NRXN1: variants seen among roughly 807,000 people sequenced by gnomAD.
The protein encoded by NRXN1 is neurexin 1.
Under a neutral mutation model 150.9 loss-of-function variants are expected in NRXN1, and 39 were observed. That is an observed-to-expected ratio of 0.26 (90% CI 0.20 to 0.34). The LOEUF (loss-of-function observed/expected upper bound fraction) is 0.34, where lower values mean the gene tolerates loss of function less well. Ranked by LOEUF, NRXN1 falls within the 10% of genes least tolerant of loss-of-function variation. The pLI, the probability that NRXN1 is intolerant of heterozygous loss-of-function variation, is 1.00. For missense variants in NRXN1, 1,815 were observed against 1,949.9 expected, an observed-to-expected ratio of 0.93 and a Z score of 1.30; for synonymous variants, 924 against 757.0, an observed-to-expected ratio of 1.22 and a Z score of -3.62.
chr2:50,091,258 AC>A, intron 19 of NRXN1, 64 bp downstream of exon 19: 1 of 1,579,446 alleles, frequency 6.3e-7, no homozygotes, highest in Non-Finnish European at 8.7e-7. Flanking sequence ...CGGATGCAAA[AC>A]AGTGCTTTTT....
chr2:50,686,061 T>C (rs1018174150), intron 5 of NRXN1, among the ~76,000 whole-genome samples: 4 of 152,188 alleles, frequency 2.6e-5, no homozygotes, highest in Non-Finnish European at 5.9e-5. Context: ...CTGCTGTCTA[T>C]GGTGCCACAA....
At chr2:50,886,428 T>G (rs2103766110) in intron 5 of NRXN1, among the ~76,000 whole-genome samples, 1 of 151,528 alleles carries the variant, frequency 6.6e-6, no homozygotes, top group African/African-American at 2.4e-5. Flanking sequence ...ATATTGTGGT[T>G]TCTATTCAAA....
At chr2:50,566,807 G>C (rs1385100352) in intron 8 of NRXN1, among the ~76,000 whole-genome samples, 2 of 152,080 alleles carry the variant, frequency 1.3e-5, no homozygotes, top group African/African-American at 2.4e-5. Context: ...TCTAGTGCAT[G>C]CTCCCCACCC....
intron 8 of NRXN1, among the ~76,000 whole-genome samples, chr2:50,560,051 C>T (rs1053089292): frequency 6.6e-5 from 10 of 152,108 alleles, no homozygotes; most frequent in African/African-American, 2.2e-4. Flanking sequence ...CATGAGGAGA[C>T]AATCTGAAAA....
chr2:50,425,526 G>A (rs1044590831), intron 17 of NRXN1, among the ~76,000 whole-genome samples: 2 of 152,106 alleles, frequency 1.3e-5, no homozygotes, highest in East Asian at 1.9e-4. Context: ...AGGCAGAGAT[G>A]GAAGAGGTGG....
chr2:50,576,962 T>G (rs1166425056), intron 8 of NRXN1, among the ~76,000 whole-genome samples: 1 of 152,110 alleles, frequency 6.6e-6, no homozygotes, highest in African/African-American at 2.4e-5. Flanking sequence ...TTGCTAATCT[T>G]TTCTGACATT....
intron 17 of NRXN1, among the ~76,000 whole-genome samples, chr2:50,250,944 T>TATGGCATATGTAATAAATTTATTACAC (rs2066983021): frequency 6.7e-6 from 1 of 149,764 alleles, no homozygotes; most frequent in Non-Finnish European, 1.5e-5. Context: ...ATTTATTACA[T>TATGGCATATGTAATAAATTTATTACAC]ATGGCATATG....
At chr2:50,437,452 A>G (rs2085540925) in intron 17 of NRXN1, among the ~76,000 whole-genome samples, 1 of 152,232 alleles carries the variant, frequency 6.6e-6, no homozygotes. Flanking sequence ...ATTTTCACCT[A>G]AAGCCGTATC....
chr2:50,030,681 T>C (rs953019804), intron 21 of NRXN1, among the ~76,000 whole-genome samples: 1 of 152,164 alleles, frequency 6.6e-6, no homozygotes, highest in Non-Finnish European at 1.5e-5. Context: ...GAAACATTCA[T>C]AGAGAATATA....
intron 21 of NRXN1, among the ~76,000 whole-genome samples, chr2:49,946,481 C>T (rs1246371980): frequency 6.6e-6 from 1 of 152,028 alleles, no homozygotes; most frequent in African/African-American, 2.4e-5. Flanking sequence ...AATGGTATTG[C>T]CTAGGTTTTC....
At chr2:50,051,275 T>A (rs948359790) in intron 21 of NRXN1, among the ~76,000 whole-genome samples, 1 of 152,048 alleles carries the variant, frequency 6.6e-6, no homozygotes, top group African/African-American at 2.4e-5. Context: ...TGTTACTAAT[T>A]GACAAAATAC....
rs10186205 is a variant in NRXN1 at position 50,275,225 on chromosome 2, T to C, written c.3365-38255A>G. On this transcript the variant is annotated intron_variant, in intron 17 of 22. Transcript: ENST00000401669. ...GCTTGAATGGGAAATAAATGAACAG[T>C]CACAGAATAAACCAAGTCTACTTGC... is the stretch of plus-strand genomic sequence containing the variant. Among the ~76,000 whole-genome samples the C allele has an allele frequency of 4.7e-3, 718 of 152,164 alleles. 10 individuals carry two copies. Among genetic ancestry groups the C allele is most frequent in the African/African-American group, 0.016 (665 of 41,522 alleles).
intron 17 of NRXN1, among the ~76,000 whole-genome samples, chr2:50,425,669 T>C (rs1004189919): frequency 1.3e-5 from 2 of 152,194 alleles, no homozygotes; most frequent in Admixed American, 6.5e-5. Context: ...TTCATTTTCC[T>C]TTGTTAAATG....
chr2:50,372,561 C>G (rs1035003562), intron 17 of NRXN1, among the ~76,000 whole-genome samples: 3 of 151,950 alleles, frequency 2.0e-5, no homozygotes, highest in Admixed American at 6.6e-5. Flanking sequence ...GAGTCAGAAA[C>G]AAAGAACAAA....
intron 21 of NRXN1, among the ~76,000 whole-genome samples, chr2:49,998,903 G>C (rs1320659004): frequency 9.9e-5 from 15 of 152,052 alleles, no homozygotes; most frequent in Non-Finnish European, 1.5e-5. Flanking sequence ...TGTCGTTGTA[G>C]TCAGTCTTCC....
At chr2:50,537,220 TAG>T (rs2093281765) in intron 10 of NRXN1, among the ~76,000 whole-genome samples, 1 of 152,194 alleles carries the variant, frequency 6.6e-6, no homozygotes, top group African/African-American at 2.4e-5. Flanking sequence ...TAAATATTCA[TAG>T]CTTAAAAATA....
chr2:50,202,181 T>C (rs1289782237), intron 18 of NRXN1, among the ~76,000 whole-genome samples: 1 of 152,146 alleles, frequency 6.6e-6, no homozygotes, highest in Admixed American at 6.6e-5. Flanking sequence ...GAATGATTAG[T>C]TACACAGGAG....
At chr2:50,860,129 A>C (rs964774349) in intron 5 of NRXN1, among the ~76,000 whole-genome samples, 1 of 151,076 alleles carries the variant, frequency 6.6e-6, no homozygotes, top group African/African-American at 2.4e-5. Flanking sequence ...GAATACAAGA[A>C]GATCATAACT....
chr2:51,029,626 A>G (rs912742924), intron 1 of NRXN1, among the ~76,000 whole-genome samples: 1 of 152,238 alleles, frequency 6.6e-6, no homozygotes, highest in Non-Finnish European at 1.5e-5. Context: ...GGCAAATTAG[A>G]TTAAACTGTT....
Sources: gnomAD v4.1 joint callset for allele counts (sites outside exome capture counted in the v4.1 genomes callset) on GRCh38, gnomAD v4.1.1 for gene constraint, MANE v1.5 for transcripts, NCBI Gene and HGNC (gene_info 2026-07-23, HGNC 2026-07-21) for gene names.